FAT3: variants seen among roughly 807,000 people sequenced by gnomAD.
The protein encoded by FAT3 is FAT atypical cadherin 3.
Under a neutral mutation model 310.2 loss-of-function variants are expected in FAT3, and 95 were observed. That is an observed-to-expected ratio of 0.31 (90% CI 0.26 to 0.36). The LOEUF is 0.36. FAT3 is among the 10% of genes least tolerant of loss of function. FAT3 has a pLI of 1.00. For missense variants in FAT3, 5,408 were observed against 5,715.6 expected, an observed-to-expected ratio of 0.95 and a Z score of 1.74; for synonymous variants, 2,314 against 2,192.9, an observed-to-expected ratio of 1.06 and a Z score of -1.54.
intron 3 of FAT3, among the ~76,000 whole-genome samples, chr11:92,535,638 GT>G (rs1954231789): frequency 6.6e-6 from 1 of 152,230 alleles, no homozygotes; most frequent in South Asian, 2.1e-4. Flanking sequence ...TAGCTAGATA[GT>G]TTTTTTGTTT....
At chr11:92,229,584 G>C (rs763713497) in intron 1 of FAT3, among the ~76,000 whole-genome samples, 5 of 123,630 alleles carry the variant, frequency 4.0e-5, no homozygotes, top group Non-Finnish European at 6.5e-5. Flanking sequence ...GCCTTTCCTT[G>C]AAAAAGAAAT....
intron 5 of FAT3, 61 bp downstream of exon 5, chr11:92,762,231 AAGTATACTCCTTTGAGCAATAAATCTTT>A: frequency 6.8e-7 from 1 of 1,468,956 alleles, no homozygotes; most frequent in Non-Finnish European, 9.3e-7. Context: ...GTTCTTATTC[AAGTATACTCCTTTGAGCAATAAATCTTT>A]AGAGTAAAAA....
intron 13 of FAT3, among the ~76,000 whole-genome samples, chr11:92,824,930 G>A (rs568108599): frequency 3.9e-5 from 6 of 152,136 alleles, no homozygotes; most frequent in East Asian, 3.9e-4. Context: ...TCATATGACC[G>A]TGGGATGATG....
At chr11:92,776,216 A>G (rs913873772) in intron 7 of FAT3, among the ~76,000 whole-genome samples, 1 of 152,224 alleles carries the variant, frequency 6.6e-6, no homozygotes, top group African/African-American at 2.4e-5. Flanking sequence ...TGTGCCCAGA[A>G]TACAATTATG....
chr11:92,801,912 G>A lies in FAT3; in HGVS notation c.8896+3G>A, dbSNP rs1256020429. The A allele has an allele frequency of 6.2e-7, 1 of 1,610,280 alleles. No individual in the cohort carries two copies. Among genetic ancestry groups the A allele is most frequent in the Non-Finnish European group, 8.5e-7 (1 of 1,177,498 alleles). On this transcript the variant is annotated splice_donor_region_variant and intron_variant, in intron 10 of 27. Transcript: ENST00000525166. ...CCAAGTGAGCTACCATATTACAGGT[G>A]AGTAAATACCCCCAGTTTTCATTAT...
chr11:92,553,474 C>T (rs1473056646), intron 3 of FAT3, among the ~76,000 whole-genome samples: 1 of 152,146 alleles, frequency 6.6e-6, no homozygotes, highest in Non-Finnish European at 1.5e-5. Flanking sequence ...CTAGTGTGTT[C>T]TGACATTGGG....
chr11:92,765,852 G>A (rs1271465529), intron 6 of FAT3, among the ~76,000 whole-genome samples: 1 of 151,420 alleles, frequency 6.6e-6, no homozygotes, highest in Non-Finnish European at 1.5e-5. Flanking sequence ...TTGTTGTTTT[G>A]TTTTTATCTT....
intron 2 of FAT3, among the ~76,000 whole-genome samples, chr11:92,434,968 A>C (rs1950892099): frequency 6.6e-6 from 1 of 152,200 alleles, no homozygotes; most frequent in Non-Finnish European, 1.5e-5. Flanking sequence ...AGAGACCTAA[A>C]GACATGGGAT....
chr11:92,235,940 T>A (rs1186985161), intron 1 of FAT3, among the ~76,000 whole-genome samples: 1 of 152,250 alleles, frequency 6.6e-6, no homozygotes, highest in Non-Finnish European at 1.5e-5. Context: ...TACATTTGCA[T>A]GGCGTTTGAT....
intron 1 of FAT3, among the ~76,000 whole-genome samples, chr11:92,316,495 C>T (rs1374737949): frequency 6.6e-6 from 1 of 152,156 alleles, no homozygotes; most frequent in East Asian, 1.9e-4. Context: ...CCCCAGCTAT[C>T]CATGCTTAAC....
At chr11:92,753,572 T>C (rs1207379089) in intron 4 of FAT3, among the ~76,000 whole-genome samples, 1 of 151,934 alleles carries the variant, frequency 6.6e-6, no homozygotes, top group Non-Finnish European at 1.5e-5. Context: ...GTGTAAAGTG[T>C]TGGGAGGATA....
At chr11:92,268,728 T>C (rs1484811427) in intron 1 of FAT3, among the ~76,000 whole-genome samples, 2 of 152,168 alleles carry the variant, frequency 1.3e-5, no homozygotes, top group Non-Finnish European at 2.9e-5. Flanking sequence ...CAGGCATTCA[T>C]GGAGATTGAC....
chr11:92,312,098 A>G (rs926838940), intron 1 of FAT3, among the ~76,000 whole-genome samples: 9 of 152,346 alleles, frequency 5.9e-5, no homozygotes, highest in African/African-American at 1.9e-4. Flanking sequence ...TACATAAAGC[A>G]TAACAGTCTT....
intron 4 of FAT3, among the ~76,000 whole-genome samples, chr11:92,759,857 G>A (rs1041128885): frequency 3.9e-5 from 6 of 152,146 alleles, no homozygotes; most frequent in Non-Finnish European, 8.8e-5. Flanking sequence ...AGCAGCTCCA[G>A]AACACTGTCT....
chr11:92,701,434 A>G (rs1944093520), intron 4 of FAT3, among the ~76,000 whole-genome samples: 1 of 152,256 alleles, frequency 6.6e-6, no homozygotes, highest in Admixed American at 6.5e-5. Flanking sequence ...TGTCATTATC[A>G]GAATCCAAAG....
chr11:92,588,950 G>A (rs897922503), intron 3 of FAT3, among the ~76,000 whole-genome samples: 9 of 148,114 alleles, frequency 6.1e-5, no homozygotes, highest in Non-Finnish European at 1.0e-4. Flanking sequence ...AAAATGCAGC[G>A]GCATAATGAA....
chr11:92,739,156 G>T (rs1263460927), intron 4 of FAT3, among the ~76,000 whole-genome samples: 1 of 152,156 alleles, frequency 6.6e-6, no homozygotes, highest in Admixed American at 6.6e-5. Flanking sequence ...TTCCTGGATT[G>T]CAGTGATATG....
intron 22 of FAT3, among the ~76,000 whole-genome samples, chr11:92,876,192 G>A (rs1949529720): frequency 6.6e-6 from 1 of 152,084 alleles, no homozygotes; most frequent in South Asian, 2.1e-4. Context: ...CCCCATCATT[G>A]ATGTGCTTTT....
chr11:92,366,462 G>T, intron 2 of FAT3: 1 of 394,662 alleles, frequency 2.5e-6, no homozygotes, highest in South Asian at 1.9e-5. Context: ...GACAGGGAGG[G>T]TGCTCCTGGG....
Sources: gnomAD v4.1 joint callset for allele counts (sites outside exome capture counted in the v4.1 genomes callset) on GRCh38, gnomAD v4.1.1 for gene constraint, MANE v1.5 for transcripts, NCBI Gene and HGNC (gene_info 2026-07-23, HGNC 2026-07-21) for gene names.